Variants in PLEKHG1 observed in about 807,000 individuals in gnomAD.
PLEKHG1 encodes pleckstrin homology domain-containing family G member 1.
A neutral mutation model predicts 100.8 loss-of-function variants in PLEKHG1; 44 were observed. The observed-to-expected ratio is 0.44, with a 90% confidence interval of 0.34 to 0.56. PLEKHG1 has a LOEUF of 0.56. Among genes scored for constraint, PLEKHG1 ranks in the 20% least tolerant of loss-of-function variants. The pLI is 0.01. For synonymous variants in PLEKHG1, 640 were observed against 662.5 expected (o/e 0.97, Z 0.52); for missense variants, 1,545 against 1,720.9 (o/e 0.90, Z 1.81).
chr6:150,623,679 C>T (rs1323054597), intron 1 of PLEKHG1, among the ~76,000 whole-genome samples: 1 of 152,220 alleles, frequency 6.6e-6, no homozygotes, highest in Non-Finnish European at 1.5e-5. Context: ...TCTTTTTCAG[C>T]CTATTCACGA....
chr6:150,761,975 A>G (rs13211253), intron 2 of PLEKHG1, among the ~76,000 whole-genome samples: 46,147 of 152,010 alleles, frequency 0.3, 10,095 homozygotes, highest in African/African-American at 0.6. Flanking sequence ...CGCATGTATC[A>G]TCTGTCACAG....
intron 1 of PLEKHG1, among the ~76,000 whole-genome samples, chr6:150,633,667 G>A (rs1777858224): frequency 6.6e-6 from 1 of 152,196 alleles, no homozygotes; most frequent in African/African-American, 2.4e-5. Flanking sequence ...TCAGAGATGA[G>A]GAAGGAGAGG....
chr6:150,673,551 G>A (rs985738864), intron 3 of PLEKHG1, among the ~76,000 whole-genome samples: 34 of 152,266 alleles, frequency 2.2e-4, no homozygotes, highest in African/African-American at 7.2e-4. Context: ...ACTCAGGAAA[G>A]CCAAAGCCCT....
intron 2 of PLEKHG1, among the ~76,000 whole-genome samples, chr6:150,742,313 A>G (rs1306784860): frequency 1.3e-5 from 2 of 152,102 alleles, no homozygotes; most frequent in African/African-American, 4.8e-5. Context: ...CACGCCTGGA[A>G]TCCAGCACTC....
intron 1 of PLEKHG1, among the ~76,000 whole-genome samples, chr6:150,629,923 A>G (rs192399874): frequency 1.7e-3 from 255 of 152,226 alleles, no homozygotes; most frequent in South Asian, 9.4e-3. Context: ...GGAGATTTTC[A>G]TATTTTTCAA....
intron 3 of PLEKHG1, among the ~76,000 whole-genome samples, chr6:150,665,460 C>T (rs537661656): frequency 6.6e-5 from 10 of 151,894 alleles, no homozygotes; most frequent in Non-Finnish European, 1.3e-4. Context: ...GAAACCCTGT[C>T]TCTACAAAAA....
chr6:150,823,761 G>A, intron 14 of PLEKHG1, 85 bp downstream of exon 15: 1 of 889,094 alleles, frequency 1.1e-6, no homozygotes, highest in Non-Finnish European at 1.8e-6. Flanking sequence ...GTCATCTCCA[G>A]CCCGTATTCC....
Position 150,809,110 on chromosome 6 carries a change from A to T in PLEKHG1, c.918A>T (p.Ile306=), listed in dbSNP as rs758693958. ...TGGCCCATTCCCTTTCTCAGGAGAT[A>T]CAGAGTTTGCTCACTAACTGGAAGG... Residue 306 remains isoleucine, a synonymous_variant, in exon 8 of 16, where the codon ATA becomes ATT. Transcript: ENST00000358517. 4 of 1,613,302 alleles carry T rather than the reference A, an allele frequency of 2.5e-6. No individual in the cohort carries two copies. In the Admixed American group the frequency reaches 6.7e-5, roughly 27 times the overall value.
chr6:150,741,490 C>T (rs180963783), intron 2 of PLEKHG1, among the ~76,000 whole-genome samples: 4 of 152,182 alleles, frequency 2.6e-5, no homozygotes, highest in Admixed American at 2.6e-4. Context: ...TAGATAGACG[C>T]CTCAATAATA....
intron 1 of PLEKHG1, among the ~76,000 whole-genome samples, chr6:150,606,081 A>G (rs909499509): frequency 6.6e-5 from 10 of 152,210 alleles, no homozygotes; most frequent in African/African-American, 2.4e-4. Flanking sequence ...ATTGCAAGCC[A>G]TTTATGATCT....
intron 3 of PLEKHG1, among the ~76,000 whole-genome samples, chr6:150,692,532 C>T (rs1780381694): frequency 6.6e-6 from 1 of 152,034 alleles, no homozygotes; most frequent in Non-Finnish European, 1.5e-5. Context: ...TAAGGCTTGT[C>T]CTTGACCTCA....
intron 2 of PLEKHG1, among the ~76,000 whole-genome samples, chr6:150,760,635 C>CTTTTTTTTTTTTTTTTTTT (rs34394040): frequency 1.7e-5 from 2 of 115,828 alleles, no homozygotes; most frequent in Admixed American, 8.8e-5. Context: ...AAATGCTTTG[C>CTTTTTTTTTTTTTTTTTTT]TTTTTTTTTT....
At chr6:150,709,157 C>G (rs1390734211) in intron 3 of PLEKHG1, among the ~76,000 whole-genome samples, 1 of 152,122 alleles carries the variant, frequency 6.6e-6, no homozygotes, top group African/African-American at 2.4e-5. Context: ...CACGGTGAAA[C>G]TCTGTCTCTA....
At chr6:150,813,627 G>A (rs2128672799) in intron 10 of PLEKHG1, among the ~76,000 whole-genome samples, 1 of 152,260 alleles carries the variant, frequency 6.6e-6, no homozygotes, top group South Asian at 2.1e-4. Flanking sequence ...TGGGGTGAGG[G>A]ACTGCAGTAT....
intron 3 of PLEKHG1, among the ~76,000 whole-genome samples, chr6:150,697,557 G>T (rs1036984762): frequency 6.6e-5 from 10 of 152,160 alleles, no homozygotes; most frequent in Admixed American, 5.9e-4. Context: ...TGAGAATCTC[G>T]CTGAGGGCCG....
intron 2 of PLEKHG1, among the ~76,000 whole-genome samples, chr6:150,643,494 ATT>A (rs1778359125): frequency 6.6e-6 from 1 of 152,214 alleles, no homozygotes; most frequent in South Asian, 2.1e-4. Flanking sequence ...CATAAATTGC[ATT>A]TACATGCAGC....
At chr6:150,800,924 ATATT>A in intron 6 of PLEKHG1, 55 bp downstream of exon 7, 1 of 1,478,996 alleles carries the variant, frequency 6.8e-7, no homozygotes, top group South Asian at 1.2e-5. Context: ...TTGTGTGTAT[ATATT>A]AAGTTTGGTG....
At chr6:150,668,999 A>T (rs144094984) in intron 3 of PLEKHG1, among the ~76,000 whole-genome samples, 1 of 152,296 alleles carries the variant, frequency 6.6e-6, no homozygotes, top group East Asian at 1.9e-4. Flanking sequence ...GCCATTGTTA[A>T]TCTGGATTTA....
intron 2 of PLEKHG1, among the ~76,000 whole-genome samples, chr6:150,760,216 A>C (rs1757356712): frequency 6.6e-6 from 1 of 152,164 alleles, no homozygotes; most frequent in Non-Finnish European, 1.5e-5. Context: ...AGATGCGTCA[A>C]GTGTTGCCAA....
Sources: gnomAD v4.1 joint callset for allele counts (sites outside exome capture counted in the v4.1 genomes callset) on GRCh38, gnomAD v4.1.1 for gene constraint, MANE v1.5 for transcripts, NCBI Gene and HGNC (gene_info 2026-07-23, HGNC 2026-07-21) for gene names.